Variants in PDE1C observed in about 807,000 individuals in gnomAD.
PDE1C encodes the protein dual specificity calcium/calmodulin-dependent 3',5'-cyclic nucleotide phosphodiesterase 1C.
A neutral mutation model predicts 93.1 loss-of-function variants in PDE1C; 62 were observed. That is an observed-to-expected ratio of 0.67 (90% CI 0.54 to 0.82). The LOEUF is 0.82. Ranked by LOEUF, PDE1C falls within the 40% of genes least tolerant of loss-of-function variation. The pLI is 0.00. For synonymous variants in PDE1C, 325 were observed against 310.1 expected (o/e 1.05, Z -0.50); for missense variants, 742 against 884.6 (o/e 0.84, Z 2.04).
chr7:32,014,583 G>A (rs150418055), intron 2 of PDE1C, among the ~76,000 whole-genome samples: 6 of 152,138 alleles, frequency 3.9e-5, no homozygotes, highest in Non-Finnish European at 7.4e-5. Context: ...TTTCAGCCCC[G>A]CATGCATTAG....
intron 2 of PDE1C, among the ~76,000 whole-genome samples, chr7:31,917,387 T>A (rs1024504143): frequency 1.3e-5 from 2 of 152,156 alleles, no homozygotes; most frequent in African/African-American, 4.8e-5. Flanking sequence ...AAATAAATAT[T>A]GCTCTTTAAA....
chr7:32,065,025 G>A lies in PDE1C; in HGVS notation c.101+5268C>T, dbSNP rs556625763. Among the ~76,000 whole-genome samples the A allele has an allele frequency of 1.8e-3, 252 of 136,520 alleles. 1 individual carries two copies. The highest frequency in any genetic ancestry group is 6.5e-3 in the African/African-American group (240 of 37,134). 89.6% of individuals were successfully genotyped at this position (136,520 alleles called of 152,430 possible). A position where few individuals can be genotyped will look rare whatever the true frequency, so the allele number is the denominator to read the frequency against. On this transcript the variant is annotated intron_variant, in intron 1 of 17. Transcript: ENST00000396191. The stretch of plus-strand genomic sequence containing the variant: ...TCCTGTTACCCAGACCAATTCAGGG[G>A]CCAACTACTTCTGACGGAACGGCGG...
At position 32,180,794 on chromosome 7, in the gene PDE1C, G is replaced by T. The variant is rs145197178; in HGVS notation, c.137-10838C>A. Among the ~76,000 whole-genome samples the T allele has an allele frequency of 1.3e-3, 202 of 152,290 alleles. 1 individual carries two copies. The highest frequency in any genetic ancestry group is 2.5e-3 in the Admixed American group (38 of 15,296). On this transcript the variant is annotated intron_variant, in intron 2 of 18. Coordinates refer to the PDE1C transcript ENST00000396193. ...TTGTGTTTAAGTTAAATGCTATGTG[G>T]AATTGTAATATAACTGGCTTTCTGG...
At chr7:31,988,451 C>A (rs187913336) in intron 2 of PDE1C, among the ~76,000 whole-genome samples, 3 of 152,222 alleles carry the variant, frequency 2.0e-5, no homozygotes, top group African/African-American at 7.2e-5. Context: ...TCTATTCCAC[C>A]TTTACCTGTT....
intron 1 of PDE1C, among the ~76,000 whole-genome samples, chr7:32,251,582 T>C (rs1364913855): frequency 6.6e-6 from 1 of 152,160 alleles, no homozygotes; most frequent in African/African-American, 2.4e-5. Flanking sequence ...CACCATTTCC[T>C]ACCTGCTCTC....
chr7:32,170,537 T>C (rs996073177), intron 2 of PDE1C, among the ~76,000 whole-genome samples: 4 of 152,172 alleles, frequency 2.6e-5, no homozygotes, highest in Non-Finnish European at 4.4e-5. Context: ...TGCCAGGTGA[T>C]CAAGATCAAA....
the PDE1C span, chr7:31,697,062 G>C: frequency 6.2e-7 from 1 of 1,614,118 alleles, no homozygotes; most frequent in South Asian, 1.1e-5. Context: ...ACCTGGAACA[G>C]AAAAAGCCAA....
intron 1 of PDE1C, among the ~76,000 whole-genome samples, chr7:32,381,628 C>T (rs1784536267): frequency 6.6e-6 from 1 of 152,154 alleles, no homozygotes; most frequent in African/African-American, 2.4e-5. Context: ...AAGCCCATCC[C>T]AATTTCCACA....
chr7:32,056,970 G>A (rs1044134443), intron 1 of PDE1C, among the ~76,000 whole-genome samples: 1 of 152,102 alleles, frequency 6.6e-6, no homozygotes, highest in African/African-American at 2.4e-5. Context: ...GTGCCTGCCT[G>A]TACACCCTGC....
intron 15 of PDE1C, among the ~76,000 whole-genome samples, chr7:31,813,869 C>T (rs1008578340): frequency 3.9e-5 from 6 of 152,052 alleles, no homozygotes; most frequent in African/African-American, 1.4e-4. Context: ...TTTGCATCCT[C>T]ATAGCTTAGT....
chr7:31,980,567 T>C (rs1812253261), intron 2 of PDE1C, among the ~76,000 whole-genome samples: 1 of 152,188 alleles, frequency 6.6e-6, no homozygotes, highest in Non-Finnish European at 1.5e-5. Flanking sequence ...ATCAAAGACA[T>C]AGTTCCACCT....
chr7:31,701,839 A>T, the PDE1C span, among the ~76,000 whole-genome samples: 1 of 152,224 alleles, frequency 6.6e-6, no homozygotes, highest in Non-Finnish European at 1.5e-5. Context: ...AGCTATGCTC[A>T]TTATTTTTAA....
chr7:31,849,065 T>C (rs905843815), intron 8 of PDE1C, among the ~76,000 whole-genome samples: 36 of 152,364 alleles, frequency 2.4e-4, no homozygotes, highest in African/African-American at 7.9e-4. Context: ...CAAGCTTAAC[T>C]GAACACATTG....
At chr7:32,228,690 A>T (rs1357256517) in intron 1 of PDE1C, among the ~76,000 whole-genome samples, 1 of 152,182 alleles carries the variant, frequency 6.6e-6, no homozygotes, top group East Asian at 1.9e-4. Context: ...CCGATGGGTG[A>T]TCCAGTGCTT....
intron 13 of PDE1C, 102 bp downstream of exon 13, chr7:31,824,765 C>G (rs1789448957): frequency 6.8e-7 from 1 of 1,466,458 alleles, no homozygotes; most frequent in Non-Finnish European, 9.3e-7. Flanking sequence ...GGAGCTAAGG[C>G]AAATGCCATT....
the PDE1C span, among the ~76,000 whole-genome samples, chr7:31,698,097 G>A: frequency 1.3e-5 from 2 of 152,190 alleles, no homozygotes; most frequent in African/African-American, 4.8e-5. Context: ...ACTAATCTGT[G>A]CTGTGGTTTG....
the PDE1C span, among the ~76,000 whole-genome samples, chr7:31,696,303 G>A: frequency 1.3e-5 from 2 of 152,080 alleles, no homozygotes; most frequent in Non-Finnish European, 2.9e-5. Context: ...ATGAAACATA[G>A]ATCTTTCTGG....
intron 1 of PDE1C, among the ~76,000 whole-genome samples, chr7:32,254,658 G>T (rs1172288252): frequency 6.6e-6 from 1 of 152,192 alleles, no homozygotes; most frequent in Non-Finnish European, 1.5e-5. Context: ...GAGTAAGTGT[G>T]TATGTTTTTG....
upstream of PDE1C, chr7:32,071,399 C>G (rs1796045983): frequency 1.0e-6 from 1 of 985,492 alleles, no homozygotes. Flanking sequence ...CGAAGGGAAC[C>G]ACACACCACA....
Sources: gnomAD v4.1 joint callset for allele counts (sites outside exome capture counted in the v4.1 genomes callset) on GRCh38, gnomAD v4.1.1 for gene constraint, MANE v1.5 for transcripts, NCBI Gene and HGNC (gene_info 2026-07-23, HGNC 2026-07-21) for gene names.